Variants in AIPL1 observed in about 807,000 individuals in gnomAD.
The protein encoded by AIPL1 is AIP like 1 HSP90 co-chaperone.
A neutral mutation model predicts 32.9 loss-of-function variants in AIPL1; 23 were observed. The ratio of observed to expected loss-of-function variants is 0.70; its 90% CI spans 0.50 to 0.99. The LOEUF is 0.99. Among genes scored for constraint, AIPL1 ranks in the 50% least tolerant of loss-of-function variants. The probability of loss-of-function intolerance (pLI) is 0.00; values close to 1 mark genes in which losing one functional copy is unlikely to be tolerated. For missense variants in AIPL1, 485 were observed against 506.0 expected, an observed-to-expected ratio of 0.96 and a Z score of 0.40; for synonymous variants, 210 against 209.4, an observed-to-expected ratio of 1.00 and a Z score of -0.02.
intron 3 of AIPL1, 93 bp from the exon 4 acceptor site, chr17:6,427,150 C>T: frequency 2.8e-6 from 4 of 1,405,872 alleles, no homozygotes; most frequent in Middle Eastern, 4.8e-4. Context: ...GCACATCTCC[C>T]TGAAGTCATG....
At chr17:6,429,201 G>A (rs1266837179) in intron 2 of AIPL1, among the ~76,000 whole-genome samples, 2 of 152,224 alleles carry the variant, frequency 1.3e-5, no homozygotes, top group Admixed American at 1.3e-4. Flanking sequence ...GATCCGCCGT[G>A]CGGCCTCAGC....
intron 2 of AIPL1, among the ~76,000 whole-genome samples, chr17:6,430,920 T>C (rs1912543980): frequency 6.6e-6 from 1 of 152,202 alleles, no homozygotes; most frequent in South Asian, 2.1e-4. Context: ...ATGTTCAACA[T>C]ATATTTGCTA....
rs1567636861 is a variant in AIPL1, at chr17:6,426,832, GC to G, written c.642+48del. On this transcript the variant is annotated intron_variant, in intron 4 of 5. Coordinates refer to ENST00000381129, the MANE Select transcript of AIPL1 (RefSeq NM_014336.5). ...CCCCACCCTGGCCGGCACTGGGCAG[GC>G]CCCCCAGAGTCAGCGCCACTTCCCA... is the stretch of plus-strand genomic sequence containing the variant. 11 of 1,612,732 alleles carry G rather than the reference GC, an allele frequency of 6.8e-6. No individual in the cohort carries two copies. In the South Asian group the frequency reaches 9.9e-5, roughly 14 times the overall value.
Position 6,434,062 on chromosome 17 carries a change from C to T in AIPL1, c.133G>A (p.Glu45Lys), listed in dbSNP as rs763484910. The T allele has an allele frequency of 1.9e-6, 3 of 1,614,124 alleles. No individual in the cohort carries two copies. Among genetic ancestry groups the T allele is most frequent in the South Asian group, 1.1e-5 (1 of 91,064 alleles). ...FHFRTMKCDE[E>K]RTVIDDSRQV... ...CGACTGTCGTCAATGACTGTCCGCTCCTCATCACATTTCATGGTGCGGAAA... is the reference window on the plus strand; with the variant it reads ...CGACTGTCGTCAATGACTGTCCGCTTCTCATCACATTTCATGGTGCGGAAA... The change falls in exon 2 of 6, where the codon GAG (glutamate) becomes AAG (lysine). Residue 45 changes from glutamate (E) to lysine (K), a missense_variant. Glu to Lys is a moderately conservative substitution (Grantham distance 56). Coordinates refer to ENST00000381129, the MANE Select transcript of AIPL1 (RefSeq NM_014336.5).
At chr17:6,427,159 T>C in intron 3 of AIPL1, 102 bp from the exon 4 acceptor site, 1 of 1,318,932 alleles carries the variant, frequency 7.6e-7, no homozygotes, top group Non-Finnish European at 1.1e-6. Context: ...CCTGAAGTCA[T>C]GCTTGCTGGT....
At position 6,426,614 on chromosome 17, in the gene AIPL1, C is replaced by T; in HGVS notation, c.784+1G>A. ...CTGTCCGCCCCTGCAGCCCCGCGCA[C>T]CTGGGTGGTGCCGGAGAATATCACT... On this transcript the variant is annotated splice_donor_variant, in intron 5 of 5. Transcript: ENST00000381129. LOFTEE classifies it high-confidence loss of function. The T allele has an allele frequency of 6.2e-7, 1 of 1,613,784 alleles. No individual in the cohort carries two copies. The highest frequency in any genetic ancestry group is 8.5e-7 in the Non-Finnish European group (1 of 1,179,968).
At chr17:6,427,182 G>A in intron 3 of AIPL1, 125 bp from the exon 4 acceptor site, 2 of 1,090,176 alleles carry the variant, frequency 1.8e-6, no homozygotes, top group Non-Finnish European at 2.7e-6. Context: ...AGTGCATACA[G>A]ACAAGGGAAA....
In AIPL1 at chr17:6,434,116, G is replaced by C. The variant is rs1357624737; in HGVS notation, c.97-18C>G. ...AAGATCACCTAGTCACCGAGACGGT[G>C]CACTCTGCTCTAGACACACTGTTCA... is the stretch of plus-strand genomic sequence containing the variant. On this transcript the variant is annotated intron_variant, in intron 1 of 5. Transcript: ENST00000381129. 4 of 1,610,452 alleles carry C rather than the reference G, an allele frequency of 2.5e-6. No individual in the cohort carries two copies. Among genetic ancestry groups the C allele is most frequent in the Non-Finnish European group, 3.4e-6 (4 of 1,179,714 alleles).
At chr17:6,428,644 G>T in intron 2 of AIPL1, 138 bp from the exon 3 acceptor site, 1 of 813,402 alleles carries the variant, frequency 1.2e-6, no homozygotes, top group Non-Finnish European at 2.1e-6. Context: ...GTGGTTAACT[G>T]TGTGCCAGGC....
chr17:6,434,353 G>GTTT (rs559325581), intron 1 of AIPL1, among the ~76,000 whole-genome samples: 2 of 91,412 alleles, frequency 2.2e-5, no homozygotes, highest in Non-Finnish European at 4.5e-5. Context: ...GTAAGCCCGA[G>GTTT]TTCTTTTTTT....
chr17:6,429,433 T>C (rs1259351335), intron 2 of AIPL1, among the ~76,000 whole-genome samples: 1 of 152,214 alleles, frequency 6.6e-6, no homozygotes, highest in Non-Finnish European at 1.5e-5. Context: ...TAGCCCGAAA[T>C]GCCTTCTGCC....
intron 3 of AIPL1, among the ~76,000 whole-genome samples, chr17:6,427,274 C>T (rs563229561): frequency 2.0e-5 from 3 of 152,362 alleles, no homozygotes; most frequent in African/African-American, 7.2e-5. Context: ...CAAGACACTT[C>T]ACTTCTAATA....
chr17:6,425,545 G>A lies in AIPL1; in HGVS notation c.1070C>T (p.Ala357Val). The change falls in exon 6 of 6, where the codon GCA (alanine) becomes GTA (valine). Residue 357 changes from alanine (A) to valine (V), a missense_variant. Physicochemically the swap from Ala to Val is moderately conservative, Grantham distance 64 (BLOSUM62 0). Coordinates refer to ENST00000381129, the MANE Select transcript of AIPL1 (RefSeq NM_014336.5). Reference protein sequence around the residue: ...STEPPAEPPTAPSAELSAGPP... With the variant: ...STEPPAEPPTVPSAELSAGPP... Reference sequence around the variant, plus strand: ...CCCTGCGGACAGCTCTGCAGATGGTGCTGTGGGTGGCTCTGCAGGTGGCTC... The same window carrying A: ...CCCTGCGGACAGCTCTGCAGATGGTACTGTGGGTGGCTCTGCAGGTGGCTC... The A allele has an allele frequency of 6.2e-7, 1 of 1,612,630 alleles. No homozygotes were observed. The highest frequency in any genetic ancestry group is 1.1e-5 in the South Asian group (1 of 91,044).
At chr17:6,433,819 C>T in intron 2 of AIPL1, 100 bp downstream of exon 2, 1 of 1,442,770 alleles carries the variant, frequency 6.9e-7, no homozygotes, top group Non-Finnish European at 9.5e-7. Flanking sequence ...CAAAGCTTCG[C>T]TTGAGTCCCA....
intron 2 of AIPL1, among the ~76,000 whole-genome samples, chr17:6,429,831 GATAGA>G (rs1912380587): frequency 7.7e-5 from 9 of 117,468 alleles, no homozygotes; most frequent in African/African-American, 2.2e-4. Context: ...TAGGTAGATA[GATAGA>G]TAGATAGATA....
At chr17:6,428,198 G>T in intron 3 of AIPL1, 120 bp downstream of exon 3, 2 of 1,125,336 alleles carry the variant, frequency 1.8e-6, no homozygotes, top group Non-Finnish European at 2.6e-6. Context: ...GAACCCTCTC[G>T]TATTATCTAA....
rs763189378 is a variant in AIPL1, at chr17:6,427,031, C to T, written c.492G>A (p.Arg164=). ...CATGATTGCTCAGGTTCCAGGTCTC[C>T]CTCTGGTAATCACTCGGGGCATCAA... is the stretch of plus-strand genomic sequence containing the variant. ...LQVDAPSDYQ[R]ETWNLSNHEK... is the part of the protein sequence containing the mutation. Residue 164 remains arginine (R), a synonymous_variant, in exon 4 of 6, where the codon AGG becomes AGA. Transcript: ENST00000381129. 1 of 1,614,208 alleles carries T rather than the reference C, an allele frequency of 6.2e-7. No individual in the cohort carries two copies. The highest frequency in any genetic ancestry group is 1.7e-5 in the Admixed American group (1 of 60,022).
At chr17:6,431,438 A>C (rs113744801) in intron 2 of AIPL1, among the ~76,000 whole-genome samples, 6,073 of 151,992 alleles carry the variant, frequency 0.04, 253 homozygotes, top group South Asian at 0.11. Flanking sequence ...CCTGGATGAC[A>C]GAGTGAAACT....
At chr17:6,432,745 C>T (rs1912724961) in intron 2 of AIPL1, among the ~76,000 whole-genome samples, 1 of 151,964 alleles carries the variant, frequency 6.6e-6, no homozygotes, top group Admixed American at 6.6e-5. Flanking sequence ...ATTCTCCTGC[C>T]TCAGCCTCCT....
Sources: allele counts gnomAD v4.1 joint callset (sites outside exome capture counted in the v4.1 genomes callset), GRCh38; gene constraint gnomAD v4.1.1; transcripts MANE v1.5; gene names NCBI Gene and HGNC (gene_info 2026-07-23, HGNC 2026-07-21).